HAUS7: variants seen among roughly 807,000 people sequenced by gnomAD.
HAUS7 encodes the protein HAUS augmin like complex subunit 7, also known as HAUS augmin-like complex subunit 7.
A neutral mutation model predicts 28.4 loss-of-function variants in HAUS7; 3 were observed. The observed-to-expected ratio is 0.11, with a 90% CI of 0.05 to 0.27. HAUS7 has a LOEUF of 0.27. Ranked by LOEUF, HAUS7 falls within the 10% of genes least tolerant of loss-of-function variation. HAUS7 has a pLI of 1.00. For missense variants in HAUS7, 284 were observed against 297.3 expected (o/e 0.96, Z 0.33); for synonymous variants, 165 against 132.1 (o/e 1.25, Z -1.71).
At chrX:153,475,009 G>A (rs1459548369), upstream of HAUS7, among the ~76,000 whole-genome samples, 1 of 111,810 alleles carries the variant, frequency 8.9e-6, no homozygotes, top group Admixed American at 9.3e-5. Context: ...GGGCCGGCCG[G>A]GGGAGGGGGC....
intron 1 of HAUS7, among the ~76,000 whole-genome samples, chrX:153,490,271 G>A (rs2089663531): frequency 8.8e-6 from 1 of 113,073 alleles, no homozygotes; most frequent in Non-Finnish European, 1.9e-5. Context: ...GGCCTCCCCG[G>A]AGCCCCCACG....
chrX:153,485,696 T>C, intron 1 of HAUS7: 2 of 656,257 alleles, frequency 3.0e-6, no homozygotes, highest in Non-Finnish European at 3.7e-6. Context: ...AGTGTGGGGC[T>C]GCAGCCCCTG....
At chrX:153,482,721 A>G (rs2089608598) in intron 1 of HAUS7, 3 of 756,766 alleles carry the variant, frequency 4.0e-6, no homozygotes, top group Non-Finnish European at 4.7e-6. Flanking sequence ...TGCAGGGCTC[A>G]GCCAGCTGTT....
intron 4 of HAUS7, among the ~76,000 whole-genome samples, chrX:153,457,762 G>A (rs2089334690): frequency 8.8e-6 from 1 of 113,102 alleles, no homozygotes; most frequent in Non-Finnish European, 1.9e-5. Flanking sequence ...CCCACTCGCC[G>A]GAAAGGTGAG....
chrX:153,470,632 G>A (rs781803137), upstream of HAUS7: 244 of 1,150,962 alleles, frequency 2.1e-4, no homozygotes, highest in Non-Finnish European at 2.7e-4. Flanking sequence ...AACCTCCAGC[G>A]TTCTTCCCGC....
At chrX:153,448,336 C>T (rs111761005) in intron 9 of HAUS7, among the ~76,000 whole-genome samples, 2,544 of 93,817 alleles carry the variant, frequency 0.027, 105 homozygotes, top group African/African-American at 0.099. Context: ...TAGGTGGGAA[C>T]TGAACAATGA....
intron 1 of HAUS7, chrX:153,482,333 A>T: frequency 1.3e-6 from 1 of 756,376 alleles, no homozygotes; most frequent in South Asian, 6.7e-5. Context: ...CCAGAATCTG[A>T]TGCGGCTGAA....
chrX:153,468,711 G>A (rs1224955127), intron 2 of HAUS7, among the ~76,000 whole-genome samples: 1 of 112,237 alleles, frequency 8.9e-6, no homozygotes, highest in Non-Finnish European at 1.9e-5. Context: ...CTGAGACCCA[G>A]CCAGGAGCCC....
At chrX:153,463,406 G>A (rs2089417651) in intron 3 of HAUS7, among the ~76,000 whole-genome samples, 1 of 111,605 alleles carries the variant, frequency 9.0e-6, no homozygotes, top group Non-Finnish European at 1.9e-5. Flanking sequence ...AGTCCTCCCT[G>A]ACCCCTCTCT....
At chrX:153,481,550 C>T (rs1389522097) in intron 1 of HAUS7, 51 of 755,104 alleles carry the variant, frequency 6.8e-5, no homozygotes, top group Non-Finnish European at 7.7e-5. Context: ...CTGCCGGCCT[C>T]GTGCCTCCTG....
intron 1 of HAUS7, chrX:153,486,143 C>T (rs1225423009): frequency 4.4e-5 from 37 of 834,915 alleles, no homozygotes; most frequent in Middle Eastern, 5.9e-4. Context: ...TCTCCACCCC[C>T]GCACCCTGCC....
upstream of HAUS7, chrX:153,470,955 G>A (rs963455748): frequency 2.4e-5 from 8 of 334,160 alleles, no homozygotes; most frequent in Admixed American, 1.5e-4. Flanking sequence ...GGCCGGGAAT[G>A]ATGATGCGTT....
At chrX:153,460,144 T>C (rs922124825) in intron 4 of HAUS7, among the ~76,000 whole-genome samples, 5 of 112,296 alleles carry the variant, frequency 4.5e-5, no homozygotes, top group African/African-American at 1.6e-4. Flanking sequence ...GGACAAACCT[T>C]GAAAACCTTG....
intron 1 of HAUS7, among the ~76,000 whole-genome samples, chrX:153,491,645 G>A (rs147481579): frequency 0.015 from 1,737 of 113,236 alleles, 30 homozygotes; most frequent in African/African-American, 0.053. Flanking sequence ...GCCTGATGAG[G>A]CCTAGACCAG....
In HAUS7 at chrX:153,462,687, G is replaced by A. The variant is rs2089408437; in HGVS notation, c.293-16C>T. ...TTCGTCATTTCTGTTGAAACACAAA[G>A]AGCCCATCATGGCAGGCACCTGCCC... On this transcript the variant is annotated splice_polypyrimidine_tract_variant and intron_variant, in intron 3 of 9. Coordinates refer to ENST00000370211, the MANE Select transcript of HAUS7 (RefSeq NM_001385482.1). The A allele has an allele frequency of 8.5e-7, 1 of 1,176,585 alleles. No homozygotes were observed. The highest frequency in any genetic ancestry group is 1.2e-6 in the Non-Finnish European group (1 of 863,272).
intron 1 of HAUS7, among the ~76,000 whole-genome samples, chrX:153,488,824 C>T (rs2089654648): frequency 8.8e-6 from 1 of 113,138 alleles, no homozygotes; most frequent in African/African-American, 3.2e-5. Flanking sequence ...CACTTCTTAC[C>T]ACTGCCCGAC....
upstream of HAUS7, among the ~76,000 whole-genome samples, chrX:153,473,568 C>T (rs1342470515): frequency 8.9e-6 from 1 of 112,939 alleles, no homozygotes; most frequent in Non-Finnish European, 1.9e-5. Context: ...GAAGACAAGG[C>T]AAGTGTGTGC....
intron 1 of HAUS7, chrX:153,481,800 G>A: frequency 1.3e-6 from 1 of 751,726 alleles, no homozygotes; most frequent in Non-Finnish European, 1.6e-6. Flanking sequence ...GCTGCCCCAT[G>A]TGCGCACAGA....
upstream of HAUS7, among the ~76,000 whole-genome samples, chrX:153,475,390 C>T (rs1233804041): frequency 4.5e-5 from 5 of 110,746 alleles, no homozygotes; most frequent in East Asian, 1.4e-3. Context: ...TTCTCCACCC[C>T]CACCCCGCAG....
Sources: allele counts gnomAD v4.1 joint callset (sites outside exome capture counted in the v4.1 genomes callset), GRCh38; gene constraint gnomAD v4.1.1; transcripts MANE v1.5; gene names NCBI Gene and HGNC (gene_info 2026-07-23, HGNC 2026-07-21).